Variants in SLC24A3 observed in about 807,000 individuals in gnomAD.
SLC24A3 encodes solute carrier family 24 member 3.
A neutral mutation model predicts 75.8 loss-of-function variants in SLC24A3; 28 were observed. That is an observed-to-expected ratio of 0.37 (90% CI 0.27 to 0.51). The LOEUF is 0.51. Ranked by LOEUF, SLC24A3 falls within the 20% of genes least tolerant of loss-of-function variation. The pLI is 0.94. For synonymous variants in SLC24A3, 372 were observed against 334.1 expected (o/e 1.11, Z -1.24); for missense variants, 663 against 847.8 (o/e 0.78, Z 2.71).
At chr20:19,563,246 A>G (rs1245264024) in intron 3 of SLC24A3, among the ~76,000 whole-genome samples, 1 of 152,168 alleles carries the variant, frequency 6.6e-6, no homozygotes, top group Non-Finnish European at 1.5e-5. Context: ...TGTCCCCGCC[A>G]GCTGAGATTT....
chr20:19,360,055 G>A (rs1049144701), intron 2 of SLC24A3, among the ~76,000 whole-genome samples: 2 of 152,178 alleles, frequency 1.3e-5, no homozygotes, highest in African/African-American at 4.8e-5. Flanking sequence ...CAGGCAGAAA[G>A]ATGCAGGAAG....
chr20:19,471,475 T>A (rs1470522442), intron 2 of SLC24A3, among the ~76,000 whole-genome samples: 1 of 152,218 alleles, frequency 6.6e-6, no homozygotes, highest in Non-Finnish European at 1.5e-5. Context: ...TGTTTCTAGA[T>A]GTTGAATGCA....
chr20:19,213,042 C>G, intron 1 of SLC24A3, 58 bp downstream of exon 1: 2 of 1,159,780 alleles, frequency 1.7e-6, no homozygotes, highest in African/African-American at 1.6e-5. Context: ...TCGGGGCTCC[C>G]GGGGCTGGGC....
intron 3 of SLC24A3, among the ~76,000 whole-genome samples, chr20:19,541,798 C>T (rs1415995099): frequency 6.6e-6 from 1 of 152,164 alleles, no homozygotes; most frequent in Non-Finnish European, 1.5e-5. Flanking sequence ...CGGGGTTGGG[C>T]GGTGTGTGCG....
intron 12 of SLC24A3, among the ~76,000 whole-genome samples, chr20:19,687,093 A>G (rs894751228): frequency 6.6e-5 from 10 of 152,216 alleles, no homozygotes; most frequent in African/African-American, 2.4e-4. Context: ...ACAGTTCTGT[A>G]GGTCAGAAGT....
intron 6 of SLC24A3, among the ~76,000 whole-genome samples, chr20:19,622,637 A>G (rs2031818574): frequency 6.6e-6 from 1 of 152,202 alleles, no homozygotes; most frequent in African/African-American, 2.4e-5. Flanking sequence ...TAAACTTAAC[A>G]TTCCAACCAT....
intron 16 of SLC24A3, among the ~76,000 whole-genome samples, chr20:19,719,168 TAATG>T (rs2033074442): frequency 6.6e-6 from 1 of 152,006 alleles, no homozygotes; most frequent in Non-Finnish European, 1.5e-5. Context: ...CCATTGGTGC[TAATG>T]AGAGGGTAGT....
intron 2 of SLC24A3, among the ~76,000 whole-genome samples, chr20:19,434,462 C>T (rs1987160068): frequency 6.6e-6 from 1 of 152,204 alleles, no homozygotes. Context: ...GCAGGAAGAA[C>T]ATTTCAATTC....
At chr20:19,561,899 C>T (rs1488272911) in intron 3 of SLC24A3, among the ~76,000 whole-genome samples, 1 of 152,156 alleles carries the variant, frequency 6.6e-6, no homozygotes, top group Non-Finnish European at 1.5e-5. Context: ...ATCGTTACTA[C>T]CTTCACTGAC....
At chr20:19,624,960 G>A (rs918724882) in intron 6 of SLC24A3, among the ~76,000 whole-genome samples, 1 of 152,140 alleles carries the variant, frequency 6.6e-6, no homozygotes, top group Non-Finnish European at 1.5e-5. Context: ...CAATGGAATG[G>A]TTCTTATGAT....
intron 2 of SLC24A3, among the ~76,000 whole-genome samples, chr20:19,373,171 G>A (rs1029748228): frequency 5.3e-5 from 8 of 152,146 alleles, no homozygotes; most frequent in Admixed American, 5.2e-4. Context: ...TCACACCGAA[G>A]CTTTTAGGTC....
intron 7 of SLC24A3, among the ~76,000 whole-genome samples, chr20:19,663,212 C>T (rs978829581): frequency 6.6e-6 from 1 of 152,002 alleles, no homozygotes; most frequent in Non-Finnish European, 1.5e-5. Context: ...GGATTGCAGG[C>T]ATGAGCCACT....
At chr20:19,312,281 G>A (rs574428634) in intron 2 of SLC24A3, among the ~76,000 whole-genome samples, 26 of 152,132 alleles carry the variant, frequency 1.7e-4, no homozygotes, top group African/African-American at 5.3e-4. Flanking sequence ...AGACTTCATC[G>A]GTGGGTAGCC....
intron 9 of SLC24A3, among the ~76,000 whole-genome samples, chr20:19,678,639 G>A (rs2032563695): frequency 6.7e-6 from 1 of 148,484 alleles, no homozygotes; most frequent in African/African-American, 2.5e-5. Context: ...CCCGGGCGGG[G>A]GGCTGACCCT....
intron 1 of SLC24A3, among the ~76,000 whole-genome samples, chr20:19,278,385 A>T (rs1983554042): frequency 6.6e-6 from 1 of 152,148 alleles, no homozygotes; most frequent in Non-Finnish European, 1.5e-5. Flanking sequence ...TCTTCTTAGG[A>T]TCACCTCCCG....
chr20:19,323,756 A>C (rs913567992), intron 2 of SLC24A3, among the ~76,000 whole-genome samples: 1 of 152,236 alleles, frequency 6.6e-6, no homozygotes, highest in Non-Finnish European at 1.5e-5. Flanking sequence ...ACACTGACCC[A>C]TGAGGAAAAG....
chr20:19,352,099 T>C (rs1227520470), intron 2 of SLC24A3, among the ~76,000 whole-genome samples: 3 of 147,828 alleles, frequency 2.0e-5, no homozygotes, highest in Non-Finnish European at 3.0e-5. Context: ...GCAGGGCAGC[T>C]CAGCCTTGGC....
intron 2 of SLC24A3, among the ~76,000 whole-genome samples, chr20:19,443,703 T>C (rs1245809726): frequency 2.6e-5 from 4 of 152,210 alleles, no homozygotes; most frequent in African/African-American, 9.6e-5. Flanking sequence ...ACTTTTATTA[T>C]GATGTTGAAT....
At chr20:19,699,868 T>G (rs2032851565) in intron 15 of SLC24A3, among the ~76,000 whole-genome samples, 1 of 152,190 alleles carries the variant, frequency 6.6e-6, no homozygotes. Context: ...TCCTGCTGCA[T>G]GAACAGCCAT....
Sources: gnomAD v4.1 joint callset for allele counts (sites outside exome capture counted in the v4.1 genomes callset) on GRCh38, gnomAD v4.1.1 for gene constraint, MANE v1.5 for transcripts, NCBI Gene and HGNC (gene_info 2026-07-23, HGNC 2026-07-21) for gene names.